The following KCTD10 variants were observed in gnomAD, a reference collection of about 807,000 sequenced individuals.
KCTD10 encodes potassium channel tetramerization domain containing 10, also known as BTB/POZ domain-containing adapter for CUL3-mediated RhoA degradation protein 3.
Under a neutral mutation model 34.6 loss-of-function variants are expected in KCTD10, and 13 were observed. The ratio of observed to expected loss-of-function variants is 0.38; its 90% CI spans 0.24 to 0.60. KCTD10 has a LOEUF of 0.60. KCTD10 is among the 20% of genes least tolerant of loss of function. The probability of loss-of-function intolerance (pLI) is 0.66; values close to 1 mark genes in which losing one functional copy is unlikely to be tolerated. For synonymous variants in KCTD10, 156 were observed against 168.8 expected (o/e 0.92, Z 0.59); for missense variants, 256 against 420.3 (o/e 0.61, Z 3.42).
At chr12:109,476,699 T>G (rs550674530) in intron 1 of KCTD10, among the ~76,000 whole-genome samples, 1 of 152,146 alleles carries the variant, frequency 6.6e-6, no homozygotes, top group South Asian at 2.1e-4. Flanking sequence ...CTCTCTCGAT[T>G]TCTTTCCCTC....
At chr12:109,456,944 G>A (rs1193972139) in intron 5 of KCTD10, 1 of 157,314 alleles carries the variant, frequency 6.4e-6, no homozygotes, top group African/African-American at 2.4e-5. Context: ...AGTCCACATA[G>A]AGACTTTGCA....
At chr12:109,472,691 G>A (rs1048101670) in intron 1 of KCTD10, among the ~76,000 whole-genome samples, 2 of 152,104 alleles carry the variant, frequency 1.3e-5, no homozygotes, top group East Asian at 1.9e-4. Flanking sequence ...GCATCACCAC[G>A]AACACGTAAT....
At chr12:109,454,058 T>C (rs192401250) in intron 6 of KCTD10, among the ~76,000 whole-genome samples, 153 of 152,280 alleles carry the variant, frequency 1.0e-3, no homozygotes, top group Non-Finnish European at 1.8e-3. Context: ...AAAACATCAA[T>C]GTTCTCCCTA....
At chr12:109,470,271 T>A (rs1873820611) in intron 1 of KCTD10, 1 of 985,390 alleles carries the variant, frequency 1.0e-6, no homozygotes, top group South Asian at 4.7e-5. Flanking sequence ...TTGAATGGGA[T>A]TCCAGCTGGC....
chr12:109,459,974 G>A (rs959928056), intron 3 of KCTD10, among the ~76,000 whole-genome samples: 1 of 152,248 alleles, frequency 6.6e-6, no homozygotes, highest in African/African-American at 2.4e-5. Flanking sequence ...TAGGTCTGCA[G>A]TGAGTTCAGA....
intron 1 of KCTD10, among the ~76,000 whole-genome samples, chr12:109,473,022 T>C (rs1873962925): frequency 6.6e-6 from 1 of 152,224 alleles, no homozygotes; most frequent in South Asian, 2.1e-4. Flanking sequence ...ACTGCATTTC[T>C]ACCACATGCC....
chr12:109,474,343 C>T (rs1187904385), intron 1 of KCTD10, among the ~76,000 whole-genome samples: 1 of 152,178 alleles, frequency 6.6e-6, no homozygotes, highest in African/African-American at 2.4e-5. Flanking sequence ...ATACTGGCTA[C>T]GGATCTGATT....
chr12:109,463,483 A>T (rs1385152914), intron 2 of KCTD10, among the ~76,000 whole-genome samples: 1 of 152,224 alleles, frequency 6.6e-6, no homozygotes, highest in Non-Finnish European at 1.5e-5. Context: ...GTAGAAAGAC[A>T]AATGGAAGTC....
At chr12:109,458,210 A>G (rs1873129642) in intron 3 of KCTD10, 132 bp from the exon 4 acceptor site, 1 of 659,364 alleles carries the variant, frequency 1.5e-6, no homozygotes, top group Non-Finnish European at 2.7e-6. Flanking sequence ...GATTCTCACC[A>G]CCAGTGAACT....
chr12:109,475,931 CTT>C (rs1874191757), intron 1 of KCTD10, among the ~76,000 whole-genome samples: 1 of 152,238 alleles, frequency 6.6e-6, no homozygotes, highest in African/African-American at 2.4e-5. Context: ...TACACAAACT[CTT>C]GGTCTATTTC....
At chr12:109,456,596 T>C in intron 5 of KCTD10, 1 of 451,032 alleles carries the variant, frequency 2.2e-6, no homozygotes, top group Non-Finnish European at 4.1e-6. Flanking sequence ...ACCATTGTGC[T>C]TGAGTGACAG....
chr12:109,463,160 G>A (rs1873421628), intron 2 of KCTD10, among the ~76,000 whole-genome samples: 1 of 152,170 alleles, frequency 6.6e-6, no homozygotes, highest in African/African-American at 2.4e-5. Context: ...GCGCAGGGAA[G>A]GAACCTTCCA....
intron 6 of KCTD10, among the ~76,000 whole-genome samples, chr12:109,454,058 T>A (rs192401250): frequency 6.6e-6 from 1 of 152,162 alleles, no homozygotes; most frequent in Non-Finnish European, 1.5e-5. Context: ...AAAACATCAA[T>A]GTTCTCCCTA....
intron 2 of KCTD10, among the ~76,000 whole-genome samples, chr12:109,468,553 C>T (rs1400876267): frequency 6.6e-6 from 1 of 152,162 alleles, no homozygotes; most frequent in Non-Finnish European, 1.5e-5. Flanking sequence ...TGCACGCAAA[C>T]CCAGCCAGGT....
intron 2 of KCTD10, among the ~76,000 whole-genome samples, chr12:109,462,860 T>C (rs1873406492): frequency 6.6e-6 from 1 of 152,192 alleles, no homozygotes; most frequent in African/African-American, 2.4e-5. Flanking sequence ...ACATCTGCAG[T>C]TGAACTGGGC....
chr12:109,458,260 TG>T (rs1402307246), intron 3 of KCTD10, 182 bp from the exon 4 acceptor site: 16 of 588,702 alleles, frequency 2.7e-5, no homozygotes, highest in Non-Finnish European at 4.2e-5. Flanking sequence ...CCAGTAAGTC[TG>T]CTCTTTGGCT....
At chr12:109,474,531 A>C (rs536658498) in intron 1 of KCTD10, among the ~76,000 whole-genome samples, 1 of 152,250 alleles carries the variant, frequency 6.6e-6, no homozygotes, top group Admixed American at 6.5e-5. Context: ...TTGGTCCGGG[A>C]TGTGGACTAG....
chr12:109,461,974 T>C (rs1366901754), intron 2 of KCTD10, among the ~76,000 whole-genome samples: 1 of 101,834 alleles, frequency 9.8e-6, no homozygotes, highest in Non-Finnish European at 2.2e-5. Context: ...CTAACAACGC[T>C]GTGCCCTGTT....
intron 6 of KCTD10, among the ~76,000 whole-genome samples, chr12:109,453,252 G>C (rs773048216): frequency 1.3e-5 from 2 of 152,106 alleles, no homozygotes; most frequent in Non-Finnish European, 2.9e-5. Context: ...TGAGTGTGTT[G>C]CTATGTTGCC....
Sources: gnomAD v4.1 joint callset for allele counts (sites outside exome capture counted in the v4.1 genomes callset) on GRCh38, gnomAD v4.1.1 for gene constraint, MANE v1.5 for transcripts, NCBI Gene and HGNC (gene_info 2026-07-23, HGNC 2026-07-21) for gene names.